The following ABCA9 variants were observed in gnomAD, a reference collection of about 807,000 sequenced individuals.
ABCA9 encodes the protein ATP-binding cassette sub-family A member 9.
Under a neutral mutation model 205.3 loss-of-function variants are expected in ABCA9, and 183 were observed. The observed-to-expected ratio is 0.89, with a 90% CI of 0.79 to 1.01. ABCA9 has a LOEUF of 1.01. Among genes scored for constraint, ABCA9 ranks in the 50% least tolerant of loss-of-function variants. ABCA9 has a pLI of 0.00. For synonymous variants in ABCA9, 651 were observed against 683.3 expected (o/e 0.95, Z 0.74); for missense variants, 1,805 against 1,912.4 (o/e 0.94, Z 1.05).
At chr17:69,063,563 A>G (rs1269163876), upstream of ABCA9, among the ~76,000 whole-genome samples, 1 of 151,804 alleles carries the variant, frequency 6.6e-6, no homozygotes, top group Admixed American at 6.6e-5. Context: ...GTTTTGTCAG[A>G]TATCCTCCAA....
Position 68,995,990 on chromosome 17 carries a change from T to C in ABCA9, c.3460A>G (p.Thr1154Ala), listed in dbSNP as rs754565719. The change falls in exon 26 of 39, where the codon ACT becomes GCT. Residue 1154 changes from threonine (T) to alanine (A), a missense_variant. Transcript: ENST00000340001. Reference protein sequence around the residue: ...LIVVIFSIVATDLNEYGFLGL... With the variant: ...LIVVIFSIVAADLNEYGFLGL... The stretch of plus-strand genomic sequence containing the variant: ...AGAAATCCATATTCATTTAGATCAG[T>C]AGCAACTATCGAGAAGATGACCACC... The C allele has an allele frequency of 3.1e-6, 5 of 1,613,554 alleles. No individual in the cohort carries two copies. Among genetic ancestry groups the C allele is most frequent in the Non-Finnish European group, 4.2e-6 (5 of 1,179,898 alleles).
intron 19 of ABCA9, among the ~76,000 whole-genome samples, chr17:69,019,663 A>G (rs562101420): frequency 3.3e-5 from 5 of 152,286 alleles, no homozygotes; most frequent in African/African-American, 1.2e-4. Context: ...AGTGTTGCAT[A>G]GAGGTGCTCA....
chr17:69,067,306 C>T, the ABCA9 span, among the ~76,000 whole-genome samples: 5 of 151,768 alleles, frequency 3.3e-5, no homozygotes, highest in East Asian at 5.8e-4. Context: ...CAGTACTTTG[C>T]GAGGCCAAGG....
intron 1 of ABCA9, among the ~76,000 whole-genome samples, chr17:69,053,051 C>A (rs2071957829): frequency 1.3e-5 from 2 of 151,596 alleles, no homozygotes; most frequent in South Asian, 4.2e-4. Flanking sequence ...GTTCACCAAA[C>A]CAGAAGTTCC....
At position 68,974,791 on chromosome 17, in the gene ABCA9, G is replaced by T. The variant is rs967588168; in HGVS notation, c.*1124C>A. ...AGAAAACATATAAAAACAGAAATATGTTTCAAACTTGTGTATAACATATAT... is the reference window on the plus strand; with the variant it reads ...AGAAAACATATAAAAACAGAAATATTTTTCAAACTTGTGTATAACATATAT... On this transcript the variant is annotated 3_prime_UTR_variant, in exon 39 of 39. Transcript: ENST00000340001. The T allele has an allele frequency of 3.3e-5, 5 of 152,052 alleles. No homozygotes were observed. The highest frequency in any genetic ancestry group is 6.6e-5 in the Admixed American group (1 of 15,260). 9.4% of individuals were successfully genotyped at this position (152,052 alleles called of 1,614,324 possible).
chr17:68,983,600 A>G (rs1223663563), intron 36 of ABCA9, 109 bp downstream of exon 36: 11 of 1,440,510 alleles, frequency 7.6e-6, no homozygotes, highest in Non-Finnish European at 9.4e-6. Context: ...AGTACTTGCA[A>G]TTACCATAGA....
intron 19 of ABCA9, among the ~76,000 whole-genome samples, chr17:69,019,229 T>C (rs1276047292): frequency 6.6e-6 from 1 of 152,154 alleles, no homozygotes; most frequent in African/African-American, 2.4e-5. Flanking sequence ...CAAACAATTT[T>C]GCACAATTAC....
chr17:69,043,756 T>A, intron 5 of ABCA9, 41 bp from the exon 6 acceptor site: 1 of 1,474,310 alleles, frequency 6.8e-7, no homozygotes, highest in Non-Finnish European at 9.2e-7. Flanking sequence ...ATCATCAATC[T>A]AATTCCAACC....
At chr17:69,016,143 CA>C in intron 22 of ABCA9, 109 bp downstream of exon 22, 1 of 603,814 alleles carries the variant, frequency 1.7e-6, no homozygotes, top group African/African-American at 2.0e-5. Context: ...CACACACACA[CA>C]AGTTTAAGAA....
In ABCA9 at chr17:69,023,032, G is replaced by A. The variant is rs2070873954; in HGVS notation, c.2282-1171C>T. On this transcript the variant is annotated intron_variant, in intron 17 of 38. Coordinates refer to ENST00000340001, the MANE Select transcript of ABCA9 (RefSeq NM_080283.4). This position sits in a 1 kb window ranked among gnomAD's most constrained non-coding sequence, Gnocchi z 4.2. ...TCACAAAGATTTCTGTTTTTATAAG[G>A]ATACATATCTCAAAGATATTGTGTA... 6.6e-6 allele frequency among the ~76,000 whole-genome samples: 1 copy of A among 152,108 alleles called. No individual in the cohort carries two copies. Among genetic ancestry groups the A allele is most frequent in the Non-Finnish European group, 1.5e-5 (1 of 68,014 alleles).
At chr17:69,010,522 G>T (rs1318381382) in intron 23 of ABCA9, among the ~76,000 whole-genome samples, 1 of 152,056 alleles carries the variant, frequency 6.6e-6, no homozygotes, top group South Asian at 2.1e-4. Flanking sequence ...GGAGGGCTCT[G>T]CCAGACAACA....
At chr17:68,998,699 T>G (rs1216324332) in intron 25 of ABCA9, among the ~76,000 whole-genome samples, 1 of 152,110 alleles carries the variant, frequency 6.6e-6, no homozygotes, top group East Asian at 1.9e-4. Flanking sequence ...TTTCTTATTG[T>G]TGTCTTGCTG....
chr17:69,010,063 T>C (rs1230915045), intron 23 of ABCA9, among the ~76,000 whole-genome samples: 1 of 151,650 alleles, frequency 6.6e-6, no homozygotes, highest in Non-Finnish European at 1.5e-5. Context: ...AGTAAAAGAA[T>C]GAAAGGTGAT....
intron 6 of ABCA9, among the ~76,000 whole-genome samples, chr17:69,038,305 G>A (rs542158448): frequency 1.3e-5 from 2 of 152,260 alleles, no homozygotes; most frequent in South Asian, 4.1e-4. Context: ...GAACATTGAT[G>A]CAAAAATCCT....
intron 1 of ABCA9, among the ~76,000 whole-genome samples, chr17:69,059,913 G>A (rs1229887530): frequency 6.6e-6 from 1 of 152,164 alleles, no homozygotes; most frequent in Non-Finnish European, 1.5e-5. Flanking sequence ...GGAGCAGGCT[G>A]TGATAGCCTG....
At chr17:69,052,563 G>A (rs779395139) in intron 1 of ABCA9, among the ~76,000 whole-genome samples, 3 of 151,930 alleles carry the variant, frequency 2.0e-5, no homozygotes, top group African/African-American at 4.8e-5. Flanking sequence ...TGTAACGAGG[G>A]AGAAAAAAAA....
chr17:69,028,651 ATGATTTT>A lies in ABCA9; in HGVS notation c.1505-13_1505-7del. On this transcript the variant is annotated splice_polypyrimidine_tract_variant and splice_region_variant and intron_variant, in intron 11 of 38. Coordinates refer to ENST00000340001, the MANE Select transcript of ABCA9 (RefSeq NM_080283.4). ...ATATATGTCAAACACCACACCTGGC[ATGATTTT>A]AAAAAAAATTACACTCAGAGCCTAC... is the stretch of plus-strand genomic sequence containing the variant. 1 of 1,535,096 alleles carries A rather than the reference ATGATTTT, an allele frequency of 6.5e-7. No homozygotes were observed. Among genetic ancestry groups the A allele is most frequent in the Non-Finnish European group, 8.8e-7 (1 of 1,136,080 alleles).
At chr17:68,982,447 G>A (rs2143952297) in intron 37 of ABCA9, 115 bp downstream of exon 37, 1 of 790,412 alleles carries the variant, frequency 1.3e-6, no homozygotes, top group East Asian at 2.5e-5. Context: ...TCTTAGTAAT[G>A]TATTAATGAT....
chr17:69,036,953 A>T (rs1429183326), intron 6 of ABCA9, among the ~76,000 whole-genome samples: 3 of 151,094 alleles, frequency 2.0e-5, no homozygotes, highest in Admixed American at 1.3e-4. Context: ...AACAAAGATT[A>T]AAAAAAGACA....
Sources: allele counts gnomAD v4.1 joint callset (sites outside exome capture counted in the v4.1 genomes callset), GRCh38; gene constraint gnomAD v4.1.1; non-coding constraint Gnocchi (gnomAD v3.1); transcripts MANE v1.5; gene names NCBI Gene and HGNC (gene_info 2026-07-23, HGNC 2026-07-21).